The following TRMT10B variants were observed in gnomAD, a reference collection of about 807,000 sequenced individuals.
The protein encoded by TRMT10B is tRNA methyltransferase 10B.
In TRMT10B, 33 loss-of-function variants were observed where a neutral mutation model predicts 43.8. The ratio of observed to expected loss-of-function variants is 0.75; its 90% CI spans 0.57 to 1.01. The LOEUF (loss-of-function observed/expected upper bound fraction) is 1.01. Ranked by LOEUF, TRMT10B falls within the 50% of genes least tolerant of loss-of-function variation. The pLI, the probability that TRMT10B is intolerant of heterozygous loss-of-function variation, is 0.00. For synonymous variants in TRMT10B, 137 were observed against 130.6 expected (o/e 1.05, Z -0.34); for missense variants, 362 against 369.8 (o/e 0.98, Z 0.17).
intron 1 of TRMT10B, among the ~76,000 whole-genome samples, chr9:37,760,365 A>C (rs1826194276): frequency 6.6e-6 from 1 of 152,162 alleles, no homozygotes; most frequent in Admixed American, 6.5e-5. Flanking sequence ...TCTCTACAGA[A>C]AATTTTAAAA....
In TRMT10B at chr9:37,777,890, A is replaced by G; in HGVS notation, c.*183A>G. ...TGTGGTGGCGCATACCTGTAGTCCC[A>G]GCTACTTGGGAGGCTGAGGCAGGAG... On this transcript the variant is annotated 3_prime_UTR_variant, in exon 9 of 9. Coordinates refer to ENST00000297994, the MANE Select transcript of TRMT10B (RefSeq NM_144964.4). 1 of 467,732 alleles carries G rather than the reference A, an allele frequency of 2.1e-6. No homozygotes were observed. The highest frequency in any genetic ancestry group is 4.2e-5 in the East Asian group (1 of 23,748). The allele number at this position is 467,732 out of a possible 1,614,324, so 29.0% of individuals were successfully genotyped here.
chr9:37,770,502 C>G (rs1029554307), intron 6 of TRMT10B, among the ~76,000 whole-genome samples, 170 bp from the exon 7 acceptor site: 1 of 152,136 alleles, frequency 6.6e-6, no homozygotes, highest in African/African-American at 2.4e-5. Context: ...AACAGTTTGT[C>G]TGTTTTATTG....
chr9:37,764,909 G>A (rs541192636), intron 4 of TRMT10B, among the ~76,000 whole-genome samples: 134 of 152,172 alleles, frequency 8.8e-4, no homozygotes, highest in Non-Finnish European at 1.5e-3. Flanking sequence ...ACAGGGCCAC[G>A]TGGGGATTGT....
intron 4 of TRMT10B, among the ~76,000 whole-genome samples, chr9:37,765,670 C>T (rs1320835217): frequency 6.6e-6 from 1 of 152,190 alleles, no homozygotes; most frequent in Non-Finnish European, 1.5e-5. Flanking sequence ...ACACCGACTT[C>T]CACAATGGTT....
At chr9:37,762,900 A>AG (rs1484952295) in intron 3 of TRMT10B, among the ~76,000 whole-genome samples, 1 of 147,858 alleles carries the variant, frequency 6.8e-6, no homozygotes, top group Non-Finnish European at 1.5e-5. Flanking sequence ...TGGGAGGCTG[A>AG]GGTGGGTGGA....
In TRMT10B at chr9:37,762,573, T is replaced by C. The variant is rs1241569549; in HGVS notation, c.187-4T>C. 6.3e-6 allele frequency: 10 copies of C among 1,579,320 alleles called. No homozygotes were observed. The highest frequency in any genetic ancestry group is 3.6e-5 in the South Asian group (3 of 84,490). ...AAACAATTTTGTTTTCTGGATAATATAAGAAAAATGTCCAGAGAAAACAGA... is the reference window on the plus strand; with the variant it reads ...AAACAATTTTGTTTTCTGGATAATACAAGAAAAATGTCCAGAGAAAACAGA... On this transcript the variant is annotated splice_polypyrimidine_tract_variant and splice_region_variant and intron_variant, in intron 2 of 8. Coordinates refer to ENST00000297994, the MANE Select transcript of TRMT10B (RefSeq NM_144964.4).
chr9:37,757,933 G>GT (rs925387597), intron 1 of TRMT10B, among the ~76,000 whole-genome samples: 2 of 151,952 alleles, frequency 1.3e-5, no homozygotes, highest in Admixed American at 1.3e-4. Flanking sequence ...CCTATTTTAA[G>GT]TGTGTCTAAA....
chr9:37,768,297 T>G, intron 5 of TRMT10B, 69 bp downstream of exon 5: 1 of 1,487,718 alleles, frequency 6.7e-7, no homozygotes, highest in Non-Finnish European at 9.1e-7. Context: ...GTATTTTTTT[T>G]TTACTTTTTC....
Position 37,778,015 on chromosome 9 carries a change from T to A in TRMT10B, c.*308T>A, listed in dbSNP as rs556713669. The stretch of plus-strand genomic sequence containing the variant: ...GCAAGACTCCATCTCAAAAAAAAAA[T>A]AAATAAAAAAAAATGCAGCTGCAGG... On this transcript the variant is annotated 3_prime_UTR_variant, in exon 9 of 9. Coordinates refer to ENST00000297994, the MANE Select transcript of TRMT10B (RefSeq NM_144964.4). 4.7e-4 allele frequency: 97 copies of A among 204,532 alleles called. 3 individuals carry two copies. The highest frequency in any genetic ancestry group is 2.1e-3 in the South Asian group (26 of 12,224). 12.7% of individuals were successfully genotyped at this position (204,532 alleles called of 1,614,324 possible).
At chr9:37,757,673 T>C (rs1245004560) in intron 1 of TRMT10B, among the ~76,000 whole-genome samples, 1 of 152,170 alleles carries the variant, frequency 6.6e-6, no homozygotes, top group Non-Finnish European at 1.5e-5. Context: ...TACCTTCTAA[T>C]AGCAACTGTA....
At chr9:37,753,381 C>T (rs543584539), upstream of TRMT10B, among the ~76,000 whole-genome samples, 19 of 152,308 alleles carry the variant, frequency 1.2e-4, no homozygotes, top group African/African-American at 4.6e-4. Context: ...GATATAATAT[C>T]AGTGCATGTC....
chr9:37,770,757 C>A lies in TRMT10B; in HGVS notation c.720+18C>A. On this transcript the variant is annotated intron_variant, in intron 7 of 8. Coordinates refer to ENST00000297994, the MANE Select transcript of TRMT10B (RefSeq NM_144964.4). ...TTCAGAAGGTAAGTATACATTTCAG[C>A]CCCAACATCTGTTTTAAAAAGCAGT... The A allele has an allele frequency of 6.2e-7, 1 of 1,612,582 alleles. No individual in the cohort carries two copies. Among genetic ancestry groups the A allele is most frequent in the Non-Finnish European group, 8.5e-7 (1 of 1,179,320 alleles).
At chr9:37,755,164 C>G (rs1206493913) in intron 1 of TRMT10B, among the ~76,000 whole-genome samples, 1 of 151,928 alleles carries the variant, frequency 6.6e-6, no homozygotes, top group Non-Finnish European at 1.5e-5. Flanking sequence ...CCCAGCTACT[C>G]AGGAAGCTGA....
chr9:37,762,457 T>C, intron 2 of TRMT10B, 120 bp from the exon 3 acceptor site: 2 of 1,398,442 alleles, frequency 1.4e-6, no homozygotes, highest in Non-Finnish European at 1.9e-6. Flanking sequence ...TAAGAGTAAT[T>C]TCCTCTTTCT....
intron 1 of TRMT10B, among the ~76,000 whole-genome samples, chr9:37,754,166 T>A (rs1046455029): frequency 3.9e-5 from 6 of 152,002 alleles, no homozygotes; most frequent in Middle Eastern, 3.2e-3. Flanking sequence ...AGGGTGGGGG[T>A]GCGGAGTGGA....
intron 7 of TRMT10B, among the ~76,000 whole-genome samples, chr9:37,772,152 CA>C (rs1229354173): frequency 6.6e-6 from 1 of 152,162 alleles, no homozygotes; most frequent in Non-Finnish European, 1.5e-5. Context: ...GCTGAGACTA[CA>C]AGTGTGTGCC....
intron 4 of TRMT10B, among the ~76,000 whole-genome samples, chr9:37,764,571 C>T (rs1036981035): frequency 1.3e-5 from 2 of 152,000 alleles, no homozygotes; most frequent in Admixed American, 6.6e-5. Context: ...GCTACTGCGC[C>T]TGGCACACCC....
chr9:37,773,094 A>G (rs528230629), intron 7 of TRMT10B, among the ~76,000 whole-genome samples: 84 of 152,328 alleles, frequency 5.5e-4, no homozygotes, highest in African/African-American at 1.9e-3. Flanking sequence ...TCTGTAGCTT[A>G]CTTTGAAATG....
Position 37,778,785 on chromosome 9 carries a change from C to T in TRMT10B, c.*1078C>T, listed in dbSNP as rs987800105. 3.3e-5 allele frequency: 5 copies of T among 152,134 alleles called. No individual in the cohort carries two copies. Among genetic ancestry groups the T allele is most frequent in the Non-Finnish European group, 5.9e-5 (4 of 68,046 alleles). The allele number at this position is 152,134 out of a possible 1,614,324, so 9.4% of individuals were successfully genotyped here. ...ACTGAGTCCCCATAGCATTTTGTTC[C>T]CTCCTGTGGCTCTTACCTTGTTCTC... On this transcript the variant is annotated 3_prime_UTR_variant, in exon 9 of 9. Coordinates refer to ENST00000297994, the MANE Select transcript of TRMT10B (RefSeq NM_144964.4).
Sources: gnomAD v4.1 joint callset for allele counts (sites outside exome capture counted in the v4.1 genomes callset) on GRCh38, gnomAD v4.1.1 for gene constraint, MANE v1.5 for transcripts, NCBI Gene and HGNC (gene_info 2026-07-23, HGNC 2026-07-21) for gene names.